The following PKHD1 variants were observed in gnomAD, a reference collection of about 807,000 sequenced individuals.
PKHD1 encodes fibrocystin.
PKHD1 carries 291 observed loss-of-function variants against 412.0 expected under a neutral mutation model. The observed-to-expected ratio is 0.71, with a 90% CI of 0.64 to 0.78. PKHD1 has a LOEUF of 0.78. Among genes scored for constraint, PKHD1 ranks in the 30% least tolerant of loss-of-function variants. PKHD1 has a pLI of 0.00. For synonymous variants in PKHD1, 1,777 were observed against 1,821.5 expected (o/e 0.98, Z 0.62); for missense variants, 4,825 against 4,950.7 (o/e 0.97, Z 0.76).
intron 23 of PKHD1, among the ~76,000 whole-genome samples, chr6:52,048,144 A>T (rs1314946597): frequency 6.6e-6 from 1 of 152,180 alleles, no homozygotes; most frequent in African/African-American, 2.4e-5. Flanking sequence ...CCCTGCCGAC[A>T]ACTTGATTTT....
intron 35 of PKHD1, among the ~76,000 whole-genome samples, chr6:51,988,798 G>T (rs1458657913): frequency 6.6e-6 from 1 of 152,186 alleles, no homozygotes; most frequent in Non-Finnish European, 1.5e-5. Context: ...CCAGGACCTT[G>T]GCGTTGTTAG....
chr6:51,874,432 A>G (rs548192443), intron 46 of PKHD1, among the ~76,000 whole-genome samples: 6 of 152,154 alleles, frequency 3.9e-5, no homozygotes, highest in Admixed American at 1.3e-4. Context: ...AAATTATTCT[A>G]TTCATCTCAA....
At chr6:51,965,387 A>T (rs969960433) in intron 35 of PKHD1, among the ~76,000 whole-genome samples, 1 of 152,154 alleles carries the variant, frequency 6.6e-6, no homozygotes, top group Admixed American at 6.5e-5. Context: ...ACAGGCTGAG[A>T]TTATTTCAGC....
intron 37 of PKHD1, among the ~76,000 whole-genome samples, chr6:51,928,047 C>T (rs1785964320): frequency 6.6e-6 from 1 of 152,118 alleles, no homozygotes; most frequent in Non-Finnish European, 1.5e-5. Context: ...GATATAGGTG[C>T]ACCGTTAAGT....
chr6:51,706,481 T>TAA (rs3061722), intron 60 of PKHD1, among the ~76,000 whole-genome samples: 35,514 of 140,752 alleles, frequency 0.25, 4,885 homozygotes, highest in African/African-American at 0.36. Flanking sequence ...TCTCCCATGG[T>TAA]AAAAAAAAAA....
chr6:52,059,837 T>C (rs770845503), intron 15 of PKHD1, 91 bp downstream of exon 15: 1 of 754,736 alleles, frequency 1.3e-6, no homozygotes, highest in South Asian at 1.4e-5. Flanking sequence ...AAACTATCTG[T>C]AAAACATGAG....
At chr6:52,005,807 G>A (rs116481353) in intron 35 of PKHD1, among the ~76,000 whole-genome samples, 6 of 151,796 alleles carry the variant, frequency 4.0e-5, no homozygotes, top group Non-Finnish European at 5.9e-5. Context: ...TTGAAGGATC[G>A]CAAAAGTCCT....
chr6:51,717,707 A>G lies in PKHD1; in HGVS notation c.10156+26678T>C, dbSNP rs115967672. ...AATCTAATGACACACTCCTCAGAAC[A>G]TATCACCATTGTTAAGCAACATATG... On this transcript the variant is annotated intron_variant, in intron 60 of 66. Coordinates refer to ENST00000371117, the MANE Select transcript of PKHD1 (RefSeq NM_138694.4). 5.7e-3 allele frequency among the ~76,000 whole-genome samples: 862 copies of G among 152,306 alleles called. 4 individuals carry two copies. The highest frequency in any genetic ancestry group is 0.014 in the Middle Eastern group (4 of 294).
chr6:51,805,928 G>T (rs939036691), intron 52 of PKHD1, among the ~76,000 whole-genome samples: 1 of 152,088 alleles, frequency 6.6e-6, no homozygotes, highest in African/African-American at 2.4e-5. Flanking sequence ...TTGCTATTGT[G>T]AATAGTGCCA....
At chr6:51,843,150 A>G (rs1171861948) in intron 50 of PKHD1, among the ~76,000 whole-genome samples, 1 of 152,264 alleles carries the variant, frequency 6.6e-6, no homozygotes, top group Non-Finnish European at 1.5e-5. Context: ...CATACAGCCA[A>G]GCCCATAAGA....
intron 53 of PKHD1, among the ~76,000 whole-genome samples, chr6:51,789,560 T>G (rs912260565): frequency 2.0e-5 from 3 of 147,500 alleles, no homozygotes; most frequent in Non-Finnish European, 4.5e-5. Flanking sequence ...AATACATGTG[T>G]GCATGTGTAT....
chr6:51,912,017 T>C (rs1158042971), intron 38 of PKHD1, 61 bp from the exon 39 acceptor site: 1 of 1,269,600 alleles, frequency 7.9e-7, no homozygotes, highest in East Asian at 2.4e-5. Flanking sequence ...CTAGGAATAA[T>C]AAGCCACTAG....
rs1304258792 is a variant in PKHD1, at chr6:51,982,488, T to G, written c.5752-22462A>C. ...TAAGAAAAATTCTTCTGCCTTGGGA[T>G]CCTGTTGATCTGTGACCTTATCCCC... On this transcript the variant is annotated intron_variant, in intron 35 of 66. Coordinates refer to ENST00000371117, the MANE Select transcript of PKHD1 (RefSeq NM_138694.4). Among the ~76,000 whole-genome samples the G allele has an allele frequency of 2.2e-5, 3 of 136,958 alleles. No individual in the cohort carries two copies. The East Asian group carries it at 6.4e-4, about 29-fold the overall frequency. The allele number at this position is 136,958 out of a possible 152,430, so 89.8% of individuals were successfully genotyped here. A position where few individuals can be genotyped will look rare whatever the true frequency, so the allele number is the denominator to read the frequency against.
chr6:51,774,084 C>A (rs1037658812), intron 54 of PKHD1, among the ~76,000 whole-genome samples: 1 of 151,796 alleles, frequency 6.6e-6, no homozygotes, highest in Non-Finnish European at 1.5e-5. Context: ...GATTTTCAAC[C>A]AAAGCATTTA....
At chr6:51,931,481 A>AC (rs1561912897) in intron 37 of PKHD1, among the ~76,000 whole-genome samples, 2 of 152,182 alleles carry the variant, frequency 1.3e-5, no homozygotes, top group Non-Finnish European at 1.5e-5. Context: ...ATGATATACC[A>AC]CCACGCTGGA....
At chr6:52,006,145 C>A (rs528194937) in intron 35 of PKHD1, among the ~76,000 whole-genome samples, 6 of 151,542 alleles carry the variant, frequency 4.0e-5, no homozygotes, top group African/African-American at 1.5e-4. Context: ...CACTGCCTCA[C>A]GCCCTCCCAT....
intron 43 of PKHD1, among the ~76,000 whole-genome samples, chr6:51,896,542 G>C (rs1780054215): frequency 6.6e-6 from 1 of 151,306 alleles, no homozygotes; most frequent in Non-Finnish European, 1.5e-5. Context: ...ACCAAAAGTA[G>C]ATAAAACCAC....
intron 31 of PKHD1, among the ~76,000 whole-genome samples, chr6:52,026,951 A>C (rs1259177097): frequency 6.6e-6 from 1 of 152,242 alleles, no homozygotes; most frequent in African/African-American, 2.4e-5. Context: ...ACATGATCAC[A>C]ACTATTATTG....
intron 29 of PKHD1, among the ~76,000 whole-genome samples, chr6:52,031,376 C>A (rs1803009160): frequency 6.6e-6 from 1 of 152,192 alleles, no homozygotes; most frequent in Non-Finnish European, 1.5e-5. Flanking sequence ...AGACCATGCT[C>A]CAATAAGGCA....
Sources: allele counts gnomAD v4.1 joint callset (sites outside exome capture counted in the v4.1 genomes callset), GRCh38; gene constraint gnomAD v4.1.1; transcripts MANE v1.5; gene names NCBI Gene and HGNC (gene_info 2026-07-23, HGNC 2026-07-21).